Variants in UNC5D observed in about 807,000 individuals in gnomAD.
UNC5D encodes netrin receptor UNC5D.
Under a neutral mutation model 105.4 loss-of-function variants are expected in UNC5D, and 39 were observed. That is an observed-to-expected ratio of 0.37 (90% CI 0.29 to 0.48). The LOEUF (loss-of-function observed/expected upper bound fraction) is 0.48. Ranked by LOEUF, UNC5D falls within the 20% of genes least tolerant of loss-of-function variation. The pLI is 0.98. For synonymous variants in UNC5D, 452 were observed against 450.4 expected, an observed-to-expected ratio of 1.00 and a Z score of -0.04; for missense variants, 991 against 1,202.4, an observed-to-expected ratio of 0.82 and a Z score of 2.60.
chr8:35,573,423 C>T (rs1046867849), intron 3 of UNC5D, among the ~76,000 whole-genome samples: 2 of 151,962 alleles, frequency 1.3e-5, no homozygotes, highest in African/African-American at 4.8e-5. Flanking sequence ...CCACTGCACT[C>T]CAGCCTGGGG....
chr8:35,437,682 A>G (rs966718194), intron 1 of UNC5D, among the ~76,000 whole-genome samples: 2 of 152,076 alleles, frequency 1.3e-5, no homozygotes, highest in Non-Finnish European at 2.9e-5. Flanking sequence ...ATTAGCCGAT[A>G]TCTAAGAAGG....
At chr8:35,772,415 A>G (rs1326338170) in intron 15 of UNC5D, among the ~76,000 whole-genome samples, 1 of 152,212 alleles carries the variant, frequency 6.6e-6, no homozygotes, top group Non-Finnish European at 1.5e-5. Flanking sequence ...TCAACCTACC[A>G]AGCCTGATAG....
chr8:35,399,612 C>T (rs1008580974), intron 1 of UNC5D, among the ~76,000 whole-genome samples: 8 of 152,078 alleles, frequency 5.3e-5, no homozygotes, highest in African/African-American at 1.9e-4. Context: ...AGTTAGTACA[C>T]TTAACATCTG....
intron 11 of UNC5D, among the ~76,000 whole-genome samples, chr8:35,739,039 A>G (rs1188173029): frequency 2.6e-5 from 4 of 152,240 alleles, no homozygotes; most frequent in African/African-American, 9.6e-5. Flanking sequence ...GATGCCTCCC[A>G]GGTAACAAAG....
intron 4 of UNC5D, 99 bp downstream of exon 4, chr8:35,595,756 C>T (rs752591618): frequency 4.9e-5 from 50 of 1,029,218 alleles, no homozygotes; most frequent in Non-Finnish European, 7.0e-5. Context: ...TAAAGGAGCC[C>T]ATGTCTGGGA....
chr8:35,400,491 G>T (rs1001978538), intron 1 of UNC5D, among the ~76,000 whole-genome samples: 1 of 152,062 alleles, frequency 6.6e-6, no homozygotes, highest in Non-Finnish European at 1.5e-5. Flanking sequence ...TTTCTTCTTT[G>T]CTGGTCTTTT....
At chr8:35,310,577 G>A (rs545759104) in intron 1 of UNC5D, among the ~76,000 whole-genome samples, 4 of 152,158 alleles carry the variant, frequency 2.6e-5, no homozygotes, top group South Asian at 2.1e-4. Flanking sequence ...TTGAGATTGT[G>A]CCACTGCACT....
chr8:35,282,536 C>T (rs898193280), intron 1 of UNC5D, among the ~76,000 whole-genome samples: 8 of 151,838 alleles, frequency 5.3e-5, no homozygotes, highest in African/African-American at 1.5e-4. Context: ...ATTTTTGTCC[C>T]GCATATATGA....
chr8:35,473,164 C>T (rs568317133), intron 1 of UNC5D, among the ~76,000 whole-genome samples: 21 of 152,036 alleles, frequency 1.4e-4, no homozygotes, highest in Non-Finnish European at 2.8e-4. Context: ...CCTCAGTTGA[C>T]AATGCAGGAG....
intron 8 of UNC5D, among the ~76,000 whole-genome samples, chr8:35,719,466 C>G (rs139178591): frequency 3.3e-5 from 5 of 152,162 alleles, no homozygotes; most frequent in Non-Finnish European, 5.9e-5. Context: ...AGTGACCCAA[C>G]TGTAGAAGAA....
chr8:35,374,126 G>A lies in UNC5D; in HGVS notation c.103+138239G>A, dbSNP rs187784731. 3.1e-3 allele frequency among the ~76,000 whole-genome samples: 478 copies of A among 152,306 alleles called. 2 individuals carry two copies. Among genetic ancestry groups the A allele is most frequent in the Admixed American group, 0.016 (243 of 15,300 alleles). ...ATCCTAAATGTGTATTGATGATACT[G>A]CATTTCAGTTGGAGAAATTAACCAC... On this transcript the variant is annotated intron_variant, in intron 1 of 16. Transcript: ENST00000404895.
chr8:35,357,627 T>A (rs1423379756), intron 1 of UNC5D, among the ~76,000 whole-genome samples: 1 of 152,190 alleles, frequency 6.6e-6, no homozygotes, highest in Non-Finnish European at 1.5e-5. Context: ...TATCTCCTGT[T>A]AGATTACAAG....
At chr8:35,425,580 G>C (rs547304180) in intron 1 of UNC5D, among the ~76,000 whole-genome samples, 1 of 152,152 alleles carries the variant, frequency 6.6e-6, no homozygotes, top group Non-Finnish European at 1.5e-5. Context: ...GAACAAAGCT[G>C]TACTTTAGAA....
intron 1 of UNC5D, among the ~76,000 whole-genome samples, chr8:35,298,130 G>C (rs1268743665): frequency 6.6e-6 from 1 of 152,182 alleles, no homozygotes; most frequent in Non-Finnish European, 1.5e-5. Flanking sequence ...GGGAGCAGCA[G>C]CTGAATGTGT....
At chr8:35,503,147 A>C (rs1812078264) in intron 1 of UNC5D, among the ~76,000 whole-genome samples, 1 of 152,184 alleles carries the variant, frequency 6.6e-6, no homozygotes, top group Non-Finnish European at 1.5e-5. Context: ...ATGGCAGAGC[A>C]GGGACTCAAA....
intron 1 of UNC5D, among the ~76,000 whole-genome samples, chr8:35,327,263 A>G (rs962104311): frequency 6.6e-6 from 1 of 152,156 alleles, no homozygotes; most frequent in African/African-American, 2.4e-5. Context: ...AACTATGTAA[A>G]TTATATCAGT....
chr8:35,344,559 T>C (rs1811671018), intron 1 of UNC5D, among the ~76,000 whole-genome samples: 1 of 152,004 alleles, frequency 6.6e-6, no homozygotes, highest in Admixed American at 6.6e-5. Flanking sequence ...CTTTGACACA[T>C]CCAGGATAAT....
intron 1 of UNC5D, among the ~76,000 whole-genome samples, chr8:35,437,917 T>G (rs1807135191): frequency 6.6e-6 from 1 of 151,956 alleles, no homozygotes; most frequent in Admixed American, 6.6e-5. Flanking sequence ...ATTTCTCTCA[T>G]GAGAAGTCAG....
chr8:35,305,466 G>A (rs565830845), intron 1 of UNC5D, among the ~76,000 whole-genome samples: 1 of 151,974 alleles, frequency 6.6e-6, no homozygotes, highest in Non-Finnish European at 1.5e-5. Context: ...AGGAAGCCTG[G>A]GTTTTTAGTA....
Sources: gnomAD v4.1 joint callset for allele counts (sites outside exome capture counted in the v4.1 genomes callset) on GRCh38, gnomAD v4.1.1 for gene constraint, MANE v1.5 for transcripts, NCBI Gene and HGNC (gene_info 2026-07-23, HGNC 2026-07-21) for gene names.